Variants in GABRR2 observed in about 807,000 individuals in gnomAD.
GABRR2 encodes the protein gamma-aminobutyric acid receptor subunit rho-2.
In GABRR2, 36 loss-of-function variants were observed where a neutral mutation model predicts 47.0. The observed-to-expected ratio is 0.77, with a 90% CI of 0.59 to 1.01. GABRR2 has a LOEUF of 1.01. Ranked by LOEUF, GABRR2 falls within the 50% of genes least tolerant of loss-of-function variation. The pLI is 0.00. For missense variants in GABRR2, 587 were observed against 594.6 expected, an observed-to-expected ratio of 0.99 and a Z score of 0.13; for synonymous variants, 204 against 227.5, an observed-to-expected ratio of 0.90 and a Z score of 0.93.
chr6:89,268,219 G>C, intron 4 of GABRR2, 123 bp from the exon 5 acceptor site: 1 of 732,426 alleles, frequency 1.4e-6, no homozygotes, highest in Non-Finnish European at 2.5e-6. Context: ...GCAGAAGTTT[G>C]GAAACAGTTA....
chr6:89,281,503 A>T (rs550238463), intron 2 of GABRR2, among the ~76,000 whole-genome samples: 1 of 152,270 alleles, frequency 6.6e-6, no homozygotes, highest in Non-Finnish European at 1.5e-5. Context: ...AGGTTGTGTG[A>T]TGAGCATAAG....
rs1221143568 is a variant in GABRR2 at position 89,264,598 on chromosome 6, C to T, written c.900G>A (p.Thr300=). 12 of 1,614,004 alleles carry T rather than the reference C, an allele frequency of 7.4e-6. No homozygotes were observed. Among genetic ancestry groups the T allele is most frequent in the African/African-American group, 4.0e-5 (3 of 74,932 alleles). Residue 300 remains threonine, a synonymous_variant, in exon 8 of 9, where the codon ACG becomes ACA. Transcript: ENST00000402938. ...VPARVSLGIT[T]VLTMTTIITG... is the part of the protein sequence containing the mutation. ...TGATGATGGTGGTCATGGTCAGCAC[C>T]GTCGTGATACCTGCAACACCCGGCC...
intron 1 of GABRR2, chr6:89,302,057 G>T: frequency 1.5e-6 from 1 of 651,296 alleles, no homozygotes; most frequent in Non-Finnish European, 2.9e-6. Context: ...TTTAATCTTT[G>T]GTCAGAGTGG....
intron 2 of GABRR2, among the ~76,000 whole-genome samples, chr6:89,282,617 T>C (rs1774269011): frequency 6.6e-6 from 1 of 152,198 alleles, no homozygotes; most frequent in Admixed American, 6.5e-5. Context: ...AGGAGTAGCA[T>C]AGGGCATGGA....
At chr6:89,282,268 G>A (rs536049323) in intron 2 of GABRR2, among the ~76,000 whole-genome samples, 1 of 152,278 alleles carries the variant, frequency 6.6e-6, no homozygotes, top group Admixed American at 6.5e-5. Context: ...GCAAGGACAC[G>A]TGCATTTGAC....
chr6:89,303,035 AC>A, intron 1 of GABRR2: 1 of 1,151,524 alleles, frequency 8.7e-7, no homozygotes, highest in Non-Finnish European at 1.2e-6. Flanking sequence ...TACCAGCAGT[AC>A]CAGGACTCCA....
chr6:89,265,586 C>A (rs748932481), intron 7 of GABRR2, 27 bp downstream of exon 7: 2 of 1,598,526 alleles, frequency 1.3e-6, no homozygotes, highest in East Asian at 4.5e-5. Context: ...AATAACCACC[C>A]TACCACACCT....
chr6:89,262,758 T>G (rs932618066), intron 8 of GABRR2, among the ~76,000 whole-genome samples: 1 of 152,244 alleles, frequency 6.6e-6, no homozygotes, highest in Non-Finnish European at 1.5e-5. Flanking sequence ...AATGGCCACT[T>G]GGTTGTTCAT....
At chr6:89,290,402 C>G (rs1774415857) in intron 2 of GABRR2, among the ~76,000 whole-genome samples, 1 of 152,236 alleles carries the variant, frequency 6.6e-6, no homozygotes, top group South Asian at 2.1e-4. Context: ...CCTCAGCCAC[C>G]TCTCAGGACC....
At chr6:89,277,143 G>T (rs1302167395) in intron 2 of GABRR2, among the ~76,000 whole-genome samples, 1 of 152,134 alleles carries the variant, frequency 6.6e-6, no homozygotes, top group Non-Finnish European at 1.5e-5. Flanking sequence ...GAATCATGGG[G>T]GGTGGTTTTC....
intron 6 of GABRR2, among the ~76,000 whole-genome samples, chr6:89,266,796 T>C (rs533104007): frequency 6.6e-6 from 1 of 152,324 alleles, no homozygotes; most frequent in East Asian, 1.9e-4. Flanking sequence ...CATGAGTTCC[T>C]GGGAACCTTT....
At chr6:89,302,885 C>A (rs1364387789) in intron 1 of GABRR2, 5 of 1,218,894 alleles carry the variant, frequency 4.1e-6, no homozygotes, top group Non-Finnish European at 5.8e-6. Flanking sequence ...GCACGGGCAT[C>A]CAGGAGCTGT....
rs762984612 is a variant in GABRR2, at chr6:89,264,392, G to A, written c.1086+20C>T. ...ACCCAGCAGCATGGACTTAGACAAG[G>A]GCCGAAGAAGCCCTCTCACCTTCTC... is the stretch of plus-strand genomic sequence containing the variant. On this transcript the variant is annotated intron_variant, in intron 8 of 8. Transcript: ENST00000402938. 6.2e-7 allele frequency: 1 copy of A among 1,607,470 alleles called. No homozygotes were observed. Among genetic ancestry groups the A allele is most frequent in the Non-Finnish European group, 8.5e-7 (1 of 1,176,646 alleles).
At chr6:89,266,844 A>T (rs1027860885) in intron 6 of GABRR2, among the ~76,000 whole-genome samples, 1 of 152,120 alleles carries the variant, frequency 6.6e-6, no homozygotes, top group Non-Finnish European at 1.5e-5. Flanking sequence ...GAATAGAGAC[A>T]GGGTCTCGCT....
intron 1 of GABRR2, among the ~76,000 whole-genome samples, chr6:89,304,597 GAAAAAAAA>G (rs1227062781): frequency 2.1e-5 from 2 of 94,668 alleles, no homozygotes; most frequent in East Asian, 3.1e-4. Flanking sequence ...TCAAAAAAAA[GAAAAAAAA>G]AAAAAGAAAA....
intron 3 of GABRR2, among the ~76,000 whole-genome samples, chr6:89,270,773 A>T (rs1774033150): frequency 6.6e-6 from 1 of 152,128 alleles, no homozygotes; most frequent in Non-Finnish European, 1.5e-5. Context: ...TTTATTCCAC[A>T]CATTTTCAGG....
chr6:89,279,256 G>A (rs923792844), intron 2 of GABRR2, among the ~76,000 whole-genome samples: 26 of 152,098 alleles, frequency 1.7e-4, no homozygotes, highest in Non-Finnish European at 2.5e-4. Flanking sequence ...CATCATCCTC[G>A]TGTTGAGATT....
chr6:89,269,105 AG>A lies in GABRR2; in HGVS notation c.417del (p.Phe140LeufsTer19). 6.2e-7 allele frequency: 1 copy of A among 1,614,032 alleles called. No homozygotes were observed. The highest frequency in any genetic ancestry group is 2.2e-5 in the East Asian group (1 of 44,886). ...GTGAACGATCTTTTGGAGTGAACAAAGAAGACATCAGGGACCCAGATCTTCT... is the reference window on the plus strand; with the variant it reads ...GTGAACGATCTTTTGGAGTGAACAAAAAGACATCAGGGACCCAGATCTTCT... ...LVKKIWVPDV[F>X]FVHSKRSFTH... is the part of the protein sequence containing the mutation. On this transcript the variant is annotated frameshift_variant, in exon 4 of 9. Coordinates refer to ENST00000402938, the MANE Select transcript of GABRR2 (RefSeq NM_002043.5). LOFTEE classifies it high-confidence loss of function.
intron 1 of GABRR2, among the ~76,000 whole-genome samples, chr6:89,306,650 G>A (rs1333938263): frequency 1.3e-5 from 2 of 152,070 alleles, no homozygotes; most frequent in Admixed American, 6.5e-5. Context: ...ACCAGGTGAC[G>A]GCAAAGGAGT....
Sources: allele counts gnomAD v4.1 joint callset (sites outside exome capture counted in the v4.1 genomes callset), GRCh38; gene constraint gnomAD v4.1.1; transcripts MANE v1.5; gene names NCBI Gene and HGNC (gene_info 2026-07-23, HGNC 2026-07-21).